PTPRN2: variants seen among roughly 807,000 people sequenced by gnomAD.
PTPRN2 encodes protein tyrosine phosphatase receptor type N2, also known as receptor-type tyrosine-protein phosphatase N2.
PTPRN2 carries 74 observed loss-of-function variants against 118.8 expected under a neutral mutation model. The observed-to-expected ratio is 0.62, with a 90% confidence interval of 0.52 to 0.76. PTPRN2 has a LOEUF of 0.76. Among genes scored for constraint, PTPRN2 ranks in the 30% least tolerant of loss-of-function variants. The probability of loss-of-function intolerance (pLI) is 0.00; values close to 1 mark genes in which losing one functional copy is unlikely to be tolerated. For missense variants in PTPRN2, 1,481 were observed against 1,394.4 expected (o/e 1.06, Z -0.99); for synonymous variants, 641 against 608.0 (o/e 1.05, Z -0.80).
chr7:157,628,248 C>A (rs1018161198), intron 14 of PTPRN2, among the ~76,000 whole-genome samples: 2 of 152,210 alleles, frequency 1.3e-5, no homozygotes, highest in Non-Finnish European at 2.9e-5. Context: ...AATGTGTTCA[C>A]AATGTATTAC....
At position 158,009,987 on chromosome 7, in the gene PTPRN2, C is replaced by G. The variant is rs574600123; in HGVS notation, c.1723+71311G>C. On this transcript the variant is annotated intron_variant, in intron 11 of 22. Transcript: ENST00000389418. ...GAGTAGGCACTGTCTCCCGCCCATC[C>G]TTCAAGACCAGGCTGGCCTTTGCCT... is the stretch of plus-strand genomic sequence containing the variant. Among the ~76,000 whole-genome samples, 259 of 152,296 alleles carry G rather than the reference C, an allele frequency of 1.7e-3. 2 individuals are homozygous for G. The highest frequency in any genetic ancestry group is 3.4e-3 in the Middle Eastern group (1 of 294).
intron 13 of PTPRN2, among the ~76,000 whole-genome samples, chr7:157,682,074 T>C (rs905170610): frequency 8.5e-5 from 13 of 152,234 alleles, no homozygotes; most frequent in Non-Finnish European, 1.8e-4. Context: ...CAATACTAAA[T>C]ACGAAATGTG....
chr7:157,611,422 G>T lies in PTPRN2; in HGVS notation c.2345-7347C>A, dbSNP rs1223388635. Reference sequence around the variant, plus strand: ...GCTATGCGGGGGCAGAATGCAGGGGGAACAGACGCCAAAGGTGTGTGGGGG... The same window carrying T: ...GCTATGCGGGGGCAGAATGCAGGGGTAACAGACGCCAAAGGTGTGTGGGGG... On this transcript the variant is annotated intron_variant, in intron 15 of 22. Coordinates refer to ENST00000389418, the MANE Select transcript of PTPRN2 (RefSeq NM_002847.5). This position sits in a 1 kb window ranked among gnomAD's most constrained non-coding sequence, Gnocchi z 5.9. Among the ~76,000 whole-genome samples, 1 of 152,164 alleles carries T rather than the reference G, an allele frequency of 6.6e-6. No homozygotes were observed. Among genetic ancestry groups the T allele is most frequent in the Non-Finnish European group, 1.5e-5 (1 of 68,028 alleles).
intron 11 of PTPRN2, among the ~76,000 whole-genome samples, chr7:157,994,486 G>A (rs1347570259): frequency 4.1e-5 from 6 of 147,438 alleles, no homozygotes; most frequent in African/African-American, 1.3e-4. Flanking sequence ...TTCCACTTTG[G>A]CCCACAGCTC....
chr7:157,841,585 C>T (rs920785348), intron 12 of PTPRN2, among the ~76,000 whole-genome samples: 8 of 152,180 alleles, frequency 5.3e-5, no homozygotes, highest in Non-Finnish European at 8.8e-5. Context: ...AGTAATTACC[C>T]GAGGCTGCTG....
chr7:157,975,530 G>A (rs1309322648), intron 11 of PTPRN2, among the ~76,000 whole-genome samples: 1 of 152,124 alleles, frequency 6.6e-6, no homozygotes, highest in Non-Finnish European at 1.5e-5. Flanking sequence ...GCCCCACGAG[G>A]AGACGTGCTT....
At chr7:158,081,411 A>G in intron 10 of PTPRN2, 34 bp from the exon 11 acceptor site, 1 of 1,585,904 alleles carries the variant, frequency 6.3e-7, no homozygotes, top group East Asian at 2.2e-5. Flanking sequence ...GTTCATAACG[A>G]AGTCTACGCG....
At chr7:158,341,541 GACA>G (rs1806792603) in intron 2 of PTPRN2, among the ~76,000 whole-genome samples, 1 of 106,372 alleles carries the variant, frequency 9.4e-6, no homozygotes, top group East Asian at 2.9e-4. Flanking sequence ...CATAAGAGGT[GACA>G]TCTGCAGACG....
chr7:158,195,149 A>G (rs1306192660), intron 4 of PTPRN2, among the ~76,000 whole-genome samples: 3 of 152,192 alleles, frequency 2.0e-5, no homozygotes, highest in Non-Finnish European at 4.4e-5. Context: ...GATGTCCTTC[A>G]GCGTCTGTAT....
intron 1 of PTPRN2, among the ~76,000 whole-genome samples, chr7:158,545,828 G>A (rs1281487038): frequency 6.6e-6 from 1 of 152,094 alleles, no homozygotes; most frequent in East Asian, 1.9e-4. Context: ...GCAAAACCCT[G>A]TCTCTACTCA....
At chr7:158,510,755 G>C (rs1221794717) in intron 1 of PTPRN2, among the ~76,000 whole-genome samples, 2 of 152,208 alleles carry the variant, frequency 1.3e-5, no homozygotes, top group South Asian at 4.1e-4. Flanking sequence ...CTATGAGTAG[G>C]TCGGATGTGA....
rs1217047134 is a variant in PTPRN2, at chr7:158,157,679, G to A, written c.910+9252C>T. Among the ~76,000 whole-genome samples, 5 of 152,228 alleles carry A rather than the reference G, an allele frequency of 3.3e-5. No homozygotes were observed. In the South Asian group the frequency reaches 8.3e-4, roughly 25 times the overall value. ...TGGGCGCATCCACGTCAGGGTTGCT[G>A]AGCAGGTGGGTGTGTCCTCAAGGTG... On this transcript the variant is annotated intron_variant, in intron 6 of 22. Coordinates refer to ENST00000389418, the MANE Select transcript of PTPRN2 (RefSeq NM_002847.5).
intron 12 of PTPRN2, among the ~76,000 whole-genome samples, chr7:157,772,915 GGTGA>G (rs1172411558): frequency 1.3e-5 from 2 of 152,190 alleles, no homozygotes; most frequent in Non-Finnish European, 2.9e-5. Context: ...TGGAGGCCTG[GGTGA>G]TATGGTCCAG....
At position 157,603,863 on chromosome 7, in the gene PTPRN2, G is replaced by A; in HGVS notation, c.2418+139C>T. On this transcript the variant is annotated intron_variant, in intron 16 of 22. Coordinates refer to ENST00000389418, the MANE Select transcript of PTPRN2 (RefSeq NM_002847.5). This position sits in a 1 kb window ranked among gnomAD's most constrained non-coding sequence, Gnocchi z 5.4. ...ACAGGGGAGTGGCGGGAGCCCAATG[G>A]GCAGAGTCGGCCCTGTCCACCGCAG... is the stretch of plus-strand genomic sequence containing the variant. 1 of 780,456 alleles carries A rather than the reference G, an allele frequency of 1.3e-6. No individual in the cohort carries two copies. Among genetic ancestry groups the A allele is most frequent in the Non-Finnish European group, 2.0e-6 (1 of 489,770 alleles). The allele number at this position is 780,456 out of a possible 1,614,324, so 48.3% of individuals were successfully genotyped here. A position where few individuals can be genotyped will look rare whatever the true frequency, so the allele number is the denominator to read the frequency against.
At chr7:158,074,972 G>A (rs1322824228) in intron 11 of PTPRN2, among the ~76,000 whole-genome samples, 5 of 152,168 alleles carry the variant, frequency 3.3e-5, no homozygotes, top group African/African-American at 7.2e-5. Context: ...CCCCACATGC[G>A]GCTCCTGGCG....
chr7:158,379,258 G>C (rs1810777347), intron 2 of PTPRN2, among the ~76,000 whole-genome samples: 1 of 152,170 alleles, frequency 6.6e-6, no homozygotes, highest in Non-Finnish European at 1.5e-5. Context: ...GGGGTGACTG[G>C]GGTTGGCAGG....
intron 2 of PTPRN2, among the ~76,000 whole-genome samples, chr7:158,436,910 C>T (rs1420091322): frequency 2.0e-5 from 3 of 152,128 alleles, no homozygotes; most frequent in African/African-American, 7.2e-5. Context: ...GTTGAACTAA[C>T]CACACAAAAC....
intron 3 of PTPRN2, among the ~76,000 whole-genome samples, chr7:158,246,490 G>A (rs531355727): frequency 7.9e-5 from 12 of 151,034 alleles, no homozygotes; most frequent in South Asian, 4.3e-4. Flanking sequence ...GAAGGAGGAT[G>A]CTGGGGCTGC....
At chr7:157,819,025 G>C (rs1446108066) in intron 12 of PTPRN2, among the ~76,000 whole-genome samples, 1 of 152,150 alleles carries the variant, frequency 6.6e-6, no homozygotes, top group Admixed American at 6.5e-5. Flanking sequence ...TCAGGACAGA[G>C]GCCATCAGCC....
Sources: allele counts gnomAD v4.1 joint callset (sites outside exome capture counted in the v4.1 genomes callset), GRCh38; gene constraint gnomAD v4.1.1; non-coding constraint Gnocchi (gnomAD v3.1); transcripts MANE v1.5; gene names NCBI Gene and HGNC (gene_info 2026-07-23, HGNC 2026-07-21).